Variants in MAP4K5 observed in about 807,000 individuals in gnomAD.
The protein encoded by MAP4K5 is MAPK/ERK kinase kinase kinase 5.
A neutral mutation model predicts 135.6 loss-of-function variants in MAP4K5; 82 were observed. The ratio of observed to expected loss-of-function variants is 0.60; its 90% CI spans 0.51 to 0.73. The LOEUF is 0.73. MAP4K5 is among the 30% of genes least tolerant of loss of function. The pLI, the probability that MAP4K5 is intolerant of heterozygous loss-of-function variation, is 0.00. For synonymous variants in MAP4K5, 347 were observed against 335.0 expected (o/e 1.04, Z -0.39); for missense variants, 907 against 1,010.9 (o/e 0.90, Z 1.39).
chr14:50,476,228 T>A (rs1300381095), intron 7 of MAP4K5, 31 bp downstream of exon 7: 6 of 1,485,404 alleles, frequency 4.0e-6, no homozygotes, highest in Non-Finnish European at 5.4e-6. Flanking sequence ...TCCAATAGAA[T>A]TGGCAATTTA....
chr14:50,473,878 G>A (rs961992205), intron 9 of MAP4K5, among the ~76,000 whole-genome samples: 3 of 151,526 alleles, frequency 2.0e-5, no homozygotes, highest in East Asian at 3.9e-4. Flanking sequence ...CACCTGCCAC[G>A]ACGCCCGGCT....
At chr14:50,490,130 A>AGTGTGTGTGT (rs34549753) in intron 3 of MAP4K5, among the ~76,000 whole-genome samples, 33 of 121,254 alleles carry the variant, frequency 2.7e-4, no homozygotes, top group African/African-American at 1.0e-3. Context: ...AGCGAGTGAG[A>AGTGTGTGTGT]GTGTGTGTGT....
chr14:50,437,650 T>C, intron 25 of MAP4K5, 116 bp from the exon 26 acceptor site: 1 of 708,386 alleles, frequency 1.4e-6, no homozygotes, highest in Non-Finnish European at 2.4e-6. Context: ...TCTTGGATCC[T>C]AACTCCACAC....
chr14:50,529,627 TAATA>T (rs1439955041), intron 2 of MAP4K5, among the ~76,000 whole-genome samples: 1 of 147,608 alleles, frequency 6.8e-6, no homozygotes, highest in Non-Finnish European at 1.5e-5. Context: ...TCAAGATAGA[TAATA>T]AACAAGAAAA....
intron 2 of MAP4K5, among the ~76,000 whole-genome samples, chr14:50,525,120 G>A (rs1006707644): frequency 6.6e-6 from 1 of 152,110 alleles, no homozygotes; most frequent in Non-Finnish European, 1.5e-5. Context: ...ACCCCATAAA[G>A]TGATGATGAC....
chr14:50,526,960 C>CA (rs372089074), intron 2 of MAP4K5, among the ~76,000 whole-genome samples: 14 of 146,330 alleles, frequency 9.6e-5, no homozygotes, highest in South Asian at 8.6e-4. Flanking sequence ...TTTATAATTG[C>CA]AAAAAAAAAA....
At chr14:50,494,059 G>A (rs911198348) in intron 3 of MAP4K5, among the ~76,000 whole-genome samples, 31 of 151,642 alleles carry the variant, frequency 2.0e-4, no homozygotes, top group African/African-American at 5.8e-4. Flanking sequence ...TGAAAGACTC[G>A]TGCACTAAAA....
chr14:50,448,983 C>T (rs1371838181), intron 14 of MAP4K5, 151 bp from the exon 15 acceptor site: 1 of 597,978 alleles, frequency 1.7e-6, no homozygotes, highest in Non-Finnish European at 2.9e-6. Context: ...ACAAGAGTAC[C>T]CCTTTGTTAT....
At chr14:50,438,591 A>C (rs1595435684) in intron 23 of MAP4K5, among the ~76,000 whole-genome samples, 1 of 152,130 alleles carries the variant, frequency 6.6e-6, no homozygotes, top group African/African-American at 2.4e-5. Flanking sequence ...AGTAAGAGGG[A>C]TGGATATGGT....
intron 14 of MAP4K5, among the ~76,000 whole-genome samples, chr14:50,453,521 C>G (rs2036536870): frequency 6.6e-6 from 1 of 152,122 alleles, no homozygotes; most frequent in South Asian, 2.1e-4. Context: ...AAATCACTGA[C>G]TGCCAGAAAC....
rs747404908 is a variant in MAP4K5 at position 50,485,649 on chromosome 14, CA to C, written c.258-8del. 5.9e-3 allele frequency: 7,540 copies of C among 1,271,518 alleles called. No individual in the cohort carries two copies. The highest frequency in any genetic ancestry group is 0.01 in the Admixed American group (406 of 39,194). The allele number at this position is 1,271,518 out of a possible 1,614,324, so 78.8% of individuals were successfully genotyped here. ...AATCCATAGTTTTTCCCGACTAATA[CA>C]AAAAAAAAAGAAAATTATATTAGCT... On this transcript the variant is annotated splice_region_variant and splice_polypyrimidine_tract_variant and intron_variant, in intron 4 of 32. Transcript: ENST00000682126.
At chr14:50,435,124 T>C (rs963460538) in intron 26 of MAP4K5, 59 bp from the exon 27 acceptor site, 14 of 829,322 alleles carry the variant, frequency 1.7e-5, no homozygotes, top group Admixed American at 1.3e-4. Flanking sequence ...AATACTTTCA[T>C]TGTATCTGTT....
chr14:50,528,142 T>G (rs529695773), intron 2 of MAP4K5, among the ~76,000 whole-genome samples: 1 of 152,102 alleles, frequency 6.6e-6, no homozygotes, highest in African/African-American at 2.4e-5. Flanking sequence ...CCTTTTCTCT[T>G]CTGTGTTTCT....
intron 2 of MAP4K5, among the ~76,000 whole-genome samples, chr14:50,506,639 AC>A (rs2037815854): frequency 6.6e-6 from 1 of 152,180 alleles, no homozygotes; most frequent in South Asian, 2.1e-4. Flanking sequence ...ATTACAGTGA[AC>A]CACCAGGCCT....
At chr14:50,468,506 G>A (rs2036883057) in intron 10 of MAP4K5, 145 bp downstream of exon 10, 1 of 744,204 alleles carries the variant, frequency 1.3e-6, no homozygotes. Context: ...GCCCACAATA[G>A]GTTTTGGATG....
At chr14:50,557,913 A>G (rs2038783657) in intron 1 of MAP4K5, among the ~76,000 whole-genome samples, 2 of 152,230 alleles carry the variant, frequency 1.3e-5, no homozygotes, top group Non-Finnish European at 2.9e-5. Context: ...TTCTTTTACC[A>G]GAATACAGGG....
In MAP4K5 at chr14:50,419,003, A is replaced by G. The variant is rs1360230193; in HGVS notation, c.*1016T>C. The G allele has an allele frequency of 6.6e-6, 1 of 152,180 alleles. No homozygotes were observed. Among genetic ancestry groups the G allele is most frequent in the African/African-American group, 2.4e-5 (1 of 41,440 alleles). 9.4% of individuals were successfully genotyped at this position (152,180 alleles called of 1,614,324 possible). On this transcript the variant is annotated 3_prime_UTR_variant, in exon 33 of 33. Coordinates refer to ENST00000682126, the MANE Select transcript of MAP4K5 (RefSeq NM_006575.6). ...TTTTTTCTTCTTCAACCTACTCAAA[A>G]TGAATACCTACATATGTGAAAAACC...
intron 2 of MAP4K5, among the ~76,000 whole-genome samples, chr14:50,512,903 G>T (rs2037959235): frequency 6.6e-6 from 1 of 152,078 alleles, no homozygotes; most frequent in Non-Finnish European, 1.5e-5. Context: ...GAAAGATCCT[G>T]CATTATGTTT....
At chr14:50,492,346 C>CT (rs1207538769) in intron 3 of MAP4K5, among the ~76,000 whole-genome samples, 7 of 152,192 alleles carry the variant, frequency 4.6e-5, no homozygotes, top group African/African-American at 1.7e-4. Context: ...AATCCCAACA[C>CT]TTTAGAAGGC....
Sources: gnomAD v4.1 joint callset for allele counts (sites outside exome capture counted in the v4.1 genomes callset) on GRCh38, gnomAD v4.1.1 for gene constraint, MANE v1.5 for transcripts, NCBI Gene and HGNC (gene_info 2026-07-23, HGNC 2026-07-21) for gene names.